The following TRIM37 variants were observed in gnomAD, a reference collection of about 807,000 sequenced individuals.
TRIM37 encodes tripartite motif containing 37, also known as E3 ubiquitin-protein ligase TRIM37.
In TRIM37, 80 loss-of-function variants were observed where a neutral mutation model predicts 129.8. The observed-to-expected ratio is 0.62, with a 90% CI of 0.51 to 0.74. The LOEUF (loss-of-function observed/expected upper bound fraction) is 0.74, where lower values mean the gene tolerates loss of function less well. Among genes scored for constraint, TRIM37 ranks in the 30% least tolerant of loss-of-function variants. The pLI is 0.00. For missense variants in TRIM37, 1,054 were observed against 1,176.5 expected (o/e 0.90, Z 1.52); for synonymous variants, 389 against 387.1 (o/e 1.00, Z -0.06).
At chr17:58,967,519 T>TAGAGAG in the TRIM37 span, among the ~76,000 whole-genome samples, 2 of 145,114 alleles carry the variant, frequency 1.4e-5, no homozygotes, top group African/African-American at 5.3e-5. Context: ...TATATATATA[T>TAGAGAG]AGAGAGAGAG....
intron 17 of TRIM37, among the ~76,000 whole-genome samples, chr17:59,040,156 T>A (rs1396265898): frequency 6.6e-6 from 1 of 152,042 alleles, no homozygotes; most frequent in African/African-American, 2.4e-5. Context: ...TGCACCCACA[T>A]CAGCCTCCCA....
chr17:59,045,900 T>C (rs1036320657), intron 16 of TRIM37, among the ~76,000 whole-genome samples: 7 of 150,552 alleles, frequency 4.6e-5, no homozygotes, highest in African/African-American at 1.7e-4. Context: ...CCTGTAATCC[T>C]TGCTACTCGG....
At chr17:58,994,208 G>A (rs768016314), downstream of TRIM37, among the ~76,000 whole-genome samples, 31 of 152,266 alleles carry the variant, frequency 2.0e-4, no homozygotes, top group Non-Finnish European at 4.3e-4. Context: ...CACAGTCATA[G>A]TGACACACAC....
intron 17 of TRIM37, 65 bp downstream of exon 17, chr17:59,041,748 A>G: frequency 8.2e-7 from 1 of 1,213,396 alleles, no homozygotes; most frequent in Non-Finnish European, 1.2e-6. Context: ...TTTAAAATAT[A>G]ATACAGTCAG....
intron 3 of TRIM37, among the ~76,000 whole-genome samples, chr17:59,091,031 T>TA (rs2044256164): frequency 6.6e-6 from 1 of 152,108 alleles, no homozygotes; most frequent in African/African-American, 2.4e-5. Context: ...CCAGAAACAT[T>TA]AAAAATTTGT....
In TRIM37 at chr17:59,028,596, T is replaced by C; in HGVS notation, c.2076A>G (p.Val692=). The C allele has an allele frequency of 1.2e-6, 2 of 1,614,248 alleles. No individual in the cohort carries two copies. Among genetic ancestry groups the C allele is most frequent in the Non-Finnish European group, 1.7e-6 (2 of 1,180,046 alleles). Residue 692 remains valine (V), a synonymous_variant, in exon 19 of 24, where the codon GTA becomes GTG. Transcript: ENST00000262294. ...TTTTTATTTCTGAAAGTGTATTCTT[T>C]ACATCAGTTTTCATACATCGAACTT... ...MAEVRCMKTD[V]KNTLSEIKSS... is the part of the protein sequence containing the mutation.
chr17:59,084,111 T>G (rs1265732943), intron 4 of TRIM37, 22 bp from the exon 5 acceptor site: 1 of 1,583,454 alleles, frequency 6.3e-7, no homozygotes, highest in Non-Finnish European at 8.7e-7. Context: ...GAAAAGAAAA[T>G]GAAGTTATAA....
At position 59,070,804 on chromosome 17, in the gene TRIM37, A is replaced by T; in HGVS notation, c.809+19T>A. On this transcript the variant is annotated intron_variant, in intron 9 of 23. Transcript: ENST00000262294. ...CACATAAATTTCAAATGAAAATGAAATTAAAAACTGTGTCATACCTGGTAA... is the reference window on the plus strand; with the variant it reads ...CACATAAATTTCAAATGAAAATGAATTTAAAAACTGTGTCATACCTGGTAA... 2 of 1,613,272 alleles carry T rather than the reference A, an allele frequency of 1.2e-6. No homozygotes were observed. Among genetic ancestry groups the T allele is most frequent in the Non-Finnish European group, 1.7e-6 (2 of 1,179,440 alleles).
Position 59,106,157 on chromosome 17 carries a change from A to G in TRIM37, c.21+284T>C, listed in dbSNP as rs541483372. ...CTGATGAATCTGCAGTTTTGGTCGG[A>G]AAAGGATGCTGTTTGCAAACACCCG... On this transcript the variant is annotated intron_variant, in intron 1 of 23. Transcript: ENST00000262294. Among the ~76,000 whole-genome samples, 4 of 152,338 alleles carry G rather than the reference A, an allele frequency of 2.6e-5. No individual in the cohort carries two copies. In the East Asian group the frequency reaches 7.7e-4, roughly 29 times the overall value.
Position 59,056,863 on chromosome 17 carries a change from T to G in TRIM37, c.1199+12A>C, listed in dbSNP as rs756175151. On this transcript the variant is annotated intron_variant, in intron 13 of 23. Coordinates refer to ENST00000262294, the MANE Select transcript of TRIM37 (RefSeq NM_015294.6). Reference sequence around the variant, plus strand: ...CACAATAAAAACCACAACATCAAATTTTTCCTGTTACCTTAAAATCACTGT... The same window carrying G: ...CACAATAAAAACCACAACATCAAATGTTTCCTGTTACCTTAAAATCACTGT... 20 of 1,612,284 alleles carry G rather than the reference T, an allele frequency of 1.2e-5. No individual in the cohort carries two copies. The South Asian group carries it at 2.0e-4, about 16-fold the overall frequency.
chr17:59,024,445 T>A (rs897705877), intron 19 of TRIM37, among the ~76,000 whole-genome samples: 1 of 152,160 alleles, frequency 6.6e-6, no homozygotes, highest in African/African-American at 2.4e-5. Context: ...GATATGAATA[T>A]AACAGATGAC....
At chr17:59,046,265 T>C (rs557441389) in intron 16 of TRIM37, among the ~76,000 whole-genome samples, 2 of 152,234 alleles carry the variant, frequency 1.3e-5, no homozygotes, top group South Asian at 2.1e-4. Flanking sequence ...TTATTAATTA[T>C]AAAGGAAAAA....
the TRIM37 span, among the ~76,000 whole-genome samples, chr17:58,971,603 G>A: frequency 6.6e-6 from 1 of 152,186 alleles, no homozygotes; most frequent in African/African-American, 2.4e-5. Context: ...AACGTAAGCT[G>A]TCTCTTGGCC....
chr17:58,985,568 G>A (rs1333969041), intron 24 of TRIM37, among the ~76,000 whole-genome samples: 1 of 152,180 alleles, frequency 6.6e-6, no homozygotes, highest in Non-Finnish European at 1.5e-5. Flanking sequence ...AGAAAGTAAG[G>A]AAATCATCAG....
At chr17:59,015,063 C>A (rs1381243751) in intron 21 of TRIM37, among the ~76,000 whole-genome samples, 3 of 142,422 alleles carry the variant, frequency 2.1e-5, no homozygotes, top group Non-Finnish European at 3.0e-5. Flanking sequence ...GGCAACAGAG[C>A]GAGACTCCAT....
chr17:59,051,407 G>C, intron 13 of TRIM37, 79 bp from the exon 14 acceptor site: 1 of 1,021,936 alleles, frequency 9.8e-7, no homozygotes, highest in Non-Finnish European at 1.5e-6. Context: ...TCTGCAATTT[G>C]GGTTAACTTG....
At chr17:58,970,827 G>A in the TRIM37 span, among the ~76,000 whole-genome samples, 3 of 151,922 alleles carry the variant, frequency 2.0e-5, no homozygotes, top group African/African-American at 7.3e-5. Context: ...GAAGCTGTGG[G>A]CTTTTATCAT....
At chr17:59,068,870 T>C (rs1451100608) in intron 9 of TRIM37, among the ~76,000 whole-genome samples, 2 of 152,156 alleles carry the variant, frequency 1.3e-5, no homozygotes, top group East Asian at 3.8e-4. Context: ...CCAAGGACAT[T>C]TGGCAATGTC....
intron 9 of TRIM37, among the ~76,000 whole-genome samples, chr17:59,069,599 C>T (rs2042196268): frequency 6.6e-6 from 1 of 152,090 alleles, no homozygotes; most frequent in Non-Finnish European, 1.5e-5. Context: ...GAAGCAGTGG[C>T]TTCACCCCTC....
Sources: allele counts gnomAD v4.1 joint callset (sites outside exome capture counted in the v4.1 genomes callset), GRCh38; gene constraint gnomAD v4.1.1; transcripts MANE v1.5; gene names NCBI Gene and HGNC (gene_info 2026-07-23, HGNC 2026-07-21).